The following MYBPC3 variants were observed in gnomAD, a reference collection of about 807,000 sequenced individuals.
MYBPC3 encodes myosin binding protein C3.
Under a neutral mutation model 159.3 loss-of-function variants are expected in MYBPC3, and 108 were observed. That is an observed-to-expected ratio of 0.68 (90% CI 0.58 to 0.80). The LOEUF (loss-of-function observed/expected upper bound fraction) is 0.80. Among genes scored for constraint, MYBPC3 ranks in the 30% least tolerant of loss-of-function variants. The pLI, the probability that MYBPC3 is intolerant of heterozygous loss-of-function variation, is 0.00. For synonymous variants in MYBPC3, 730 were observed against 702.0 expected (o/e 1.04, Z -0.63); for missense variants, 1,631 against 1,762.1 (o/e 0.93, Z 1.33).
At chr11:47,335,241 G>A (rs1365685173) in intron 26 of MYBPC3, 32 bp from the exon 27 acceptor site, 10 of 1,535,738 alleles carry the variant, frequency 6.5e-6, no homozygotes, top group African/African-American at 1.4e-5. Flanking sequence ...CAAGGCCACA[G>A]GCTGTGTCAC....
chr11:47,334,902 G>C (rs1034072782), intron 27 of MYBPC3, 140 bp downstream of exon 27: 1 of 1,060,360 alleles, frequency 9.4e-7, no homozygotes, highest in African/African-American at 1.7e-5. Flanking sequence ...GCGCATGGAC[G>C]ATGGCTCCAA....
intron 20 of MYBPC3, 149 bp from the exon 21 acceptor site, chr11:47,339,939 G>T: frequency 1.2e-6 from 1 of 810,140 alleles, no homozygotes; most frequent in Non-Finnish European, 1.9e-6. Context: ...CTGACAGTAG[G>T]CTGAGTTCTG....
chr11:47,348,913 T>TATATATATATATATATATATATAG, intron 5 of MYBPC3, among the ~76,000 whole-genome samples: 1 of 115,486 alleles, frequency 8.7e-6, no homozygotes, highest in Non-Finnish European at 1.9e-5. Flanking sequence ...TCAAATTATA[T>TATATATATATATATATATATATAG]ATATATATAT....
chr11:47,343,765 T>A, intron 12 of MYBPC3, 141 bp from the exon 13 acceptor site: 1 of 836,270 alleles, frequency 1.2e-6, no homozygotes, highest in Non-Finnish European at 1.8e-6. Flanking sequence ...TCTGTGTCTC[T>A]ATTTCTTTTT....
Position 47,331,719 on chromosome 11 carries a change from G to A in MYBPC3, c.*27-3C>T. 9.6e-7 allele frequency: 1 copy of A among 1,046,730 alleles called. No homozygotes were observed. The allele number at this position is 1,046,730 out of a possible 1,614,324, so 64.8% of individuals were successfully genotyped here. ...ACGGGGCTGGCATCCGGTTGTACCT[G>A]CAACACAGGTTATCTTACGAGTGAA... On this transcript the variant is annotated splice_polypyrimidine_tract_variant and splice_region_variant and intron_variant, in intron 34 of 34. Coordinates refer to ENST00000545968, the MANE Select transcript of MYBPC3 (RefSeq NM_000256.3).
chr11:47,332,713 C>A lies in MYBPC3; in HGVS notation c.3491-11G>T. On this transcript the variant is annotated splice_polypyrimidine_tract_variant and intron_variant, in intron 31 of 34. Coordinates refer to ENST00000545968, the MANE Select transcript of MYBPC3 (RefSeq NM_000256.3). This position sits in a 1 kb window ranked among gnomAD's most constrained non-coding sequence, Gnocchi z 4.2. The stretch of plus-strand genomic sequence containing the variant: ...GCTCATAGGTGATGCCTGTTGGTGA[C>A]AGGACTTGGTACCGAGAGGGCCACA... 1 of 1,602,956 alleles carries A rather than the reference C, an allele frequency of 6.2e-7. No individual in the cohort carries two copies. Among genetic ancestry groups the A allele is most frequent in the African/African-American group, 1.3e-5 (1 of 74,806 alleles).
In MYBPC3 at chr11:47,335,976, C is replaced by T; in HGVS notation, c.2638G>A (p.Asp880Asn). The T allele has an allele frequency of 6.5e-7, 1 of 1,550,274 alleles. No individual in the cohort carries two copies. The highest frequency in any genetic ancestry group is 8.7e-7 in the Non-Finnish European group (1 of 1,148,566). ...PSEPTHLAVE[D>N]VSDTTVSLKW... ...AGGGAGACCGTGGTGTCAGAGACGT[C>T]CTCTACTGCCAGGTGGGTGGGTTCG... Residue 880 changes from aspartate (D) to asparagine (N), a missense_variant, in exon 26 of 35, where the codon GAC (aspartate) becomes AAC (asparagine). By Grantham distance (23) the Asp-to-Asn change is conservative. Transcript: ENST00000545968.
intron 25 of MYBPC3, 77 bp downstream of exon 25, chr11:47,337,314 C>T: frequency 6.9e-7 from 1 of 1,446,408 alleles, no homozygotes; most frequent in South Asian, 1.3e-5. Flanking sequence ...GCATGGCTGC[C>T]TGCAGAGCAC....
chr11:47,347,985 T>C, intron 6 of MYBPC3, 80 bp from the exon 7 acceptor site: 1 of 1,364,898 alleles, frequency 7.3e-7, no homozygotes, highest in East Asian at 2.5e-5. Context: ...GGGCGGCCTC[T>C]GAGTATTCAC....
Position 47,343,266 on chromosome 11 carries a change from T to C in MYBPC3, c.1224-4A>G. ...CATCCAGAGGGGAACTTACTTGCTG[T>C]AGAACAGAAGGGGCCGTTGAAGTGT... On this transcript the variant is annotated splice_region_variant and splice_polypyrimidine_tract_variant and intron_variant, in intron 13 of 34. Coordinates refer to ENST00000545968, the MANE Select transcript of MYBPC3 (RefSeq NM_000256.3). 1 of 1,560,744 alleles carries C rather than the reference T, an allele frequency of 6.4e-7. No individual in the cohort carries two copies. Among genetic ancestry groups the C allele is most frequent in the Non-Finnish European group, 8.6e-7 (1 of 1,157,620 alleles).
Position 47,346,672 on chromosome 11 carries a change from G to A in MYBPC3, c.909-28C>T, listed in dbSNP as rs781330990. On this transcript the variant is annotated intron_variant, in intron 10 of 34. Transcript: ENST00000545968. The surrounding 1 kb of genome is among the most constrained non-coding windows in gnomAD (Gnocchi z 5.3). ...GCTCCAGGGGTGGGGGTGGGAGAAA[G>A]GGTAGGTGGCACATGAGAGGTATGG... is the stretch of plus-strand genomic sequence containing the variant. 2.5e-6 allele frequency: 4 copies of A among 1,597,006 alleles called. No individual in the cohort carries two copies. Among genetic ancestry groups the A allele is most frequent in the South Asian group, 2.3e-5 (2 of 88,320 alleles).
At chr11:47,340,204 GAC>G (rs752022847) in intron 20 of MYBPC3, among the ~76,000 whole-genome samples, 8 of 149,950 alleles carry the variant, frequency 5.3e-5, no homozygotes, top group Non-Finnish European at 1.0e-4. Flanking sequence ...CATGCACACA[GAC>G]ACAAATACAC....
intron 21 of MYBPC3, 86 bp from the exon 22 acceptor site, chr11:47,339,490 C>A (rs905936469): frequency 2.0e-6 from 3 of 1,509,364 alleles, no homozygotes; most frequent in African/African-American, 2.7e-5. Flanking sequence ...CACCCCCTGA[C>A]CCACACTGCC....
rs769925144 is a variant in MYBPC3, at chr11:47,333,225, T to A, written c.3299A>T (p.Tyr1100Phe). ...QDVGNTELWG[Y>F]TVQKADKKTM... ...CTTCTTGTCGGCTTTCTGCACTGTG[T>A]ACCCCCAGAGCTCCGTGTTGCCGAC... The change falls in exon 30 of 35, where the codon TAC becomes TTC. Residue 1100 changes from tyrosine (Y) to phenylalanine (F), a missense_variant. Tyr to Phe is a conservative substitution (Grantham distance 22, BLOSUM62 3). Transcript: ENST00000545968. 6 of 1,598,050 alleles carry A rather than the reference T, an allele frequency of 3.8e-6. No individual in the cohort carries two copies. Among genetic ancestry groups the A allele is most frequent in the Non-Finnish European group, 5.1e-6 (6 of 1,172,080 alleles).
In MYBPC3 at chr11:47,333,226, AC is replaced by A; in HGVS notation, c.3297del (p.Tyr1100ThrfsTer89). On this transcript the variant is annotated frameshift_variant, in exon 30 of 35. Coordinates refer to ENST00000545968, the MANE Select transcript of MYBPC3 (RefSeq NM_000256.3). LOFTEE classifies it high-confidence loss of function. Reference protein sequence around the residue: ...PQDVGNTELWGYTVQKADKKT... With the variant: ...PQDVGNTELWXYTVQKADKKT... The stretch of plus-strand genomic sequence containing the variant: ...TTCTTGTCGGCTTTCTGCACTGTGT[AC>A]CCCCAGAGCTCCGTGTTGCCGACAT... 2 of 1,596,686 alleles carry A rather than the reference AC, an allele frequency of 1.3e-6. No homozygotes were observed. Among genetic ancestry groups the A allele is most frequent in the South Asian group, 1.1e-5 (1 of 87,928 alleles).
At position 47,335,098 on chromosome 11, in the gene MYBPC3, G is replaced by A. The variant is rs730880577; in HGVS notation, c.2849C>T (p.Ala950Val). 5 of 1,609,616 alleles carry A rather than the reference G, an allele frequency of 3.1e-6. No individual in the cohort carries two copies. The highest frequency in any genetic ancestry group is 1.7e-4 in the Middle Eastern group (1 of 6,042). Residue 950 changes from alanine (A) to valine (V), a missense_variant, in exon 27 of 35, where the codon GCA (alanine) becomes GTA (valine). Coordinates refer to ENST00000545968, the MANE Select transcript of MYBPC3 (RefSeq NM_000256.3). ...GGTGGTAACAGGGGCTCCAGGCCCTGCCATATTGTGTGCCCGCACTCGGAA... is the reference window on the plus strand; with the variant it reads ...GGTGGTAACAGGGGCTCCAGGCCCTACCATATTGTGTGCCCGCACTCGGAA... ...LLFRVRAHNMAGPGAPVTTTE... is the reference protein window; with the variant it reads ...LLFRVRAHNMVGPGAPVTTTE...
rs2856655 is a variant in MYBPC3, at chr11:47,337,534, C to T, written c.2459G>A (p.Arg820Gln). 45 of 1,613,862 alleles carry T rather than the reference C, an allele frequency of 2.8e-5. No individual in the cohort carries two copies. Among genetic ancestry groups the T allele is most frequent in the East Asian group, 2.2e-4 (10 of 44,894 alleles). The stretch of plus-strand genomic sequence containing the variant: ...CTCCTGAATCAGGTCGAAGTTCAGC[C>T]GCATCCACCGGTAGCTCTTCTTCTT... Reference protein sequence around the residue: ...RKKKKSYRWMRLNFDLIQELS... With the variant: ...RKKKKSYRWMQLNFDLIQELS... The change falls in exon 25 of 35, where the codon CGG (arginine) becomes CAG (glutamine). Residue 820 changes from arginine (R) to glutamine (Q), a missense_variant. Coordinates refer to ENST00000545968, the MANE Select transcript of MYBPC3 (RefSeq NM_000256.3).
At chr11:47,336,489 CAAAAAAAAAAA>C (rs34527074) in intron 25 of MYBPC3, 21,623 of 67,978 alleles carry the variant, frequency 0.32, 1,894 homozygotes, top group South Asian at 0.43. Context: ...GACTCCATCT[CAAAAAAAAAAA>C]AAAAAAAAAA....
chr11:47,345,532 C>T (rs1016558672), intron 12 of MYBPC3, among the ~76,000 whole-genome samples: 2 of 152,124 alleles, frequency 1.3e-5, no homozygotes, highest in East Asian at 1.9e-4. Flanking sequence ...GTTTATAGAG[C>T]GCTCGAGGTG....
Sources: allele counts gnomAD v4.1 joint callset (sites outside exome capture counted in the v4.1 genomes callset), GRCh38; gene constraint gnomAD v4.1.1; non-coding constraint Gnocchi (gnomAD v3.1); transcripts MANE v1.5; gene names NCBI Gene and HGNC (gene_info 2026-07-23, HGNC 2026-07-21).